THSD7A: variants seen among roughly 807,000 people sequenced by gnomAD.
The protein encoded by THSD7A is thrombospondin type-1 domain-containing protein 7A.
In THSD7A, 96 loss-of-function variants were observed where a neutral mutation model predicts 231.3. The observed-to-expected ratio is 0.41, with a 90% CI of 0.35 to 0.49. THSD7A has a LOEUF of 0.49. THSD7A is among the 20% of genes least tolerant of loss of function. The probability of loss-of-function intolerance (pLI) is 0.05; values close to 1 mark genes in which losing one functional copy is unlikely to be tolerated. For synonymous variants in THSD7A, 940 were observed against 743.3 expected (o/e 1.26, Z -4.30); for missense variants, 2,290 against 2,070.2 (o/e 1.11, Z -2.06).
intron 2 of THSD7A, among the ~76,000 whole-genome samples, chr7:11,597,842 G>C (rs1780419251): frequency 6.6e-6 from 1 of 152,174 alleles, no homozygotes; most frequent in South Asian, 2.1e-4. Context: ...GAAGGCACAA[G>C]TAAGCTACAT....
chr7:11,804,984 C>T (rs1228613056), intron 1 of THSD7A, among the ~76,000 whole-genome samples: 2 of 152,094 alleles, frequency 1.3e-5, no homozygotes, highest in Admixed American at 6.6e-5. Context: ...TCTACCAATT[C>T]TGAGAATTTG....
chr7:11,441,884 C>T (rs1018027644), intron 13 of THSD7A, among the ~76,000 whole-genome samples: 11 of 151,636 alleles, frequency 7.3e-5, no homozygotes, highest in East Asian at 5.9e-4. Flanking sequence ...CTAATGTAGA[C>T]AATAGGTTGA....
chr7:11,404,704 T>G (rs183888934), intron 22 of THSD7A, among the ~76,000 whole-genome samples: 1 of 152,328 alleles, frequency 6.6e-6, no homozygotes, highest in African/African-American at 2.4e-5. Flanking sequence ...GCAGCAACAC[T>G]TTGCCTGGCT....
intron 23 of THSD7A, among the ~76,000 whole-genome samples, chr7:11,400,627 T>C (rs940033405): frequency 6.6e-6 from 1 of 152,226 alleles, no homozygotes; most frequent in Non-Finnish European, 1.5e-5. Flanking sequence ...TTACTTATCC[T>C]ATGCTGGCAT....
At chr7:11,384,959 C>T (rs1383636993) in intron 23 of THSD7A, 1 of 151,858 alleles carries the variant, frequency 6.6e-6, no homozygotes, top group Non-Finnish European at 1.5e-5. Flanking sequence ...TATTCATAAA[C>T]ATTTTCACCA....
intron 4 of THSD7A, among the ~76,000 whole-genome samples, chr7:11,580,523 T>TA (rs1036796734): frequency 2.0e-5 from 3 of 152,084 alleles, no homozygotes; most frequent in Admixed American, 6.6e-5. Flanking sequence ...TATACTTTTT[T>TA]AAAAAATCAC....
At chr7:11,517,193 C>G (rs1195135481) in intron 6 of THSD7A, among the ~76,000 whole-genome samples, 6 of 152,156 alleles carry the variant, frequency 3.9e-5, no homozygotes, top group Admixed American at 3.9e-4. Context: ...ATTCTCCTGC[C>G]TCAGCCTCCA....
rs1232465723 is a variant in THSD7A at position 11,636,547 on chromosome 7, G to A, written c.605C>T (p.Ala202Val). 1.2e-6 allele frequency: 2 copies of A among 1,613,954 alleles called. No homozygotes were observed. Among genetic ancestry groups the A allele is most frequent in the Non-Finnish European group, 1.7e-6 (2 of 1,179,892 alleles). The change falls in exon 2 of 28, where the codon GCC becomes GTC. Residue 202 changes from alanine to valine, a missense_variant. Coordinates refer to ENST00000423059, the MANE Select transcript of THSD7A (RefSeq NM_015204.3). The surrounding 1 kb of genome is among the most constrained non-coding windows in gnomAD (Gnocchi z 10.0). ...GCAGGTCTTGGAGCATTCGGACCAG[G>A]CAGAAAATTCAGACACGATGCAATC... ...QQDCIVSEFS[A>V]WSECSKTCGS...
chr7:11,371,601 C>T lies in THSD7A; in HGVS notation c.*4193G>A, dbSNP rs557713210. The T allele has an allele frequency of 9.2e-5, 14 of 152,262 alleles. No homozygotes were observed. The highest frequency in any genetic ancestry group is 3.4e-4 in the African/African-American group (14 of 41,552). The allele number at this position is 152,262 out of a possible 1,614,324, so 9.4% of individuals were successfully genotyped here. ...ACCCACGTCAGCTTTAGAACAGGCT[C>T]TCCCTTCTGTATGGTACTGAAAAGT... On this transcript the variant is annotated 3_prime_UTR_variant, in exon 28 of 28. Coordinates refer to ENST00000423059, the MANE Select transcript of THSD7A (RefSeq NM_015204.3).
intron 2 of THSD7A, among the ~76,000 whole-genome samples, chr7:11,608,901 C>T (rs1780827515): frequency 6.6e-6 from 1 of 152,130 alleles, no homozygotes; most frequent in Non-Finnish European, 1.5e-5. Flanking sequence ...CCCGATTCTT[C>T]ACTGTCAATT....
intron 9 of THSD7A, among the ~76,000 whole-genome samples, chr7:11,464,629 A>T (rs540617484): frequency 6.6e-6 from 1 of 152,308 alleles, no homozygotes; most frequent in South Asian, 2.1e-4. Context: ...ATATAAGACT[A>T]TGATGACTCT....
Position 11,628,472 on chromosome 7 carries a change from T to A in THSD7A, c.1022+7658A>T, listed in dbSNP as rs1050433232. On this transcript the variant is annotated intron_variant, in intron 2 of 27. Transcript: ENST00000423059. ...TTCTAATCCTTAACGCTAGCAGCAT[T>A]TTCTCTAGGAGGCCATTCTTGATCC... 3.9e-5 allele frequency among the ~76,000 whole-genome samples: 6 copies of A among 152,290 alleles called. No homozygotes were observed. In the South Asian group the frequency reaches 1.2e-3, roughly 32 times the overall value.
At position 11,411,879 on chromosome 7, in the gene THSD7A, A is replaced by ACATAGCAC. The variant is rs952611648; in HGVS notation, c.3683-565_3683-558dup. 1.6e-4 allele frequency among the ~76,000 whole-genome samples: 24 copies of ACATAGCAC among 151,780 alleles called. No homozygotes were observed. Among genetic ancestry groups the ACATAGCAC allele is most frequent in the Middle Eastern group, 3.2e-3 (1 of 316 alleles). ...TAAAAGACACCTCTTTCCCTGGGTA[A>ACATAGCAC]CATAGCACATCCCAGATAACTGTGA... On this transcript the variant is annotated intron_variant, in intron 18 of 27. Coordinates refer to ENST00000423059, the MANE Select transcript of THSD7A (RefSeq NM_015204.3). This position sits in a 1 kb window ranked among gnomAD's most constrained non-coding sequence, Gnocchi z 4.1.
intron 6 of THSD7A, among the ~76,000 whole-genome samples, chr7:11,524,496 T>G (rs943907543): frequency 5.9e-5 from 9 of 152,170 alleles, no homozygotes; most frequent in South Asian, 4.1e-4. Flanking sequence ...TGAAACTAAT[T>G]CCCTTCGGAT....
intron 13 of THSD7A, among the ~76,000 whole-genome samples, chr7:11,438,784 T>C (rs2128292643): frequency 6.6e-6 from 1 of 152,132 alleles, no homozygotes; most frequent in South Asian, 2.1e-4. Context: ...CATTGGATCA[T>C]GATTCTTAGA....
chr7:11,573,455 C>G (rs564830620), intron 4 of THSD7A, among the ~76,000 whole-genome samples: 141 of 152,344 alleles, frequency 9.3e-4, no homozygotes, highest in Non-Finnish European at 1.8e-3. Context: ...GTCTTCACCT[C>G]CCTCTGTGGC....
At chr7:11,478,981 T>C (rs1022215666) in intron 7 of THSD7A, among the ~76,000 whole-genome samples, 1 of 152,168 alleles carries the variant, frequency 6.6e-6, no homozygotes, top group African/African-American at 2.4e-5. Context: ...GATGGGAGAA[T>C]TTACTTGCTG....
chr7:11,416,077 A>G (rs995484669), intron 17 of THSD7A, among the ~76,000 whole-genome samples: 1 of 152,218 alleles, frequency 6.6e-6, no homozygotes, highest in African/African-American at 2.4e-5. Flanking sequence ...AGAAATATAA[A>G]GCCCAGGAAG....
At chr7:11,549,264 A>G (rs1789527095) in intron 4 of THSD7A, among the ~76,000 whole-genome samples, 1 of 152,176 alleles carries the variant, frequency 6.6e-6, no homozygotes, top group African/African-American at 2.4e-5. Context: ...AAGGTTGTGG[A>G]GAAATAGGAA....
Sources: allele counts gnomAD v4.1 joint callset (sites outside exome capture counted in the v4.1 genomes callset), GRCh38; gene constraint gnomAD v4.1.1; non-coding constraint Gnocchi (gnomAD v3.1); transcripts MANE v1.5; gene names NCBI Gene and HGNC (gene_info 2026-07-23, HGNC 2026-07-21).